NUP54: variants seen among roughly 807,000 people sequenced by gnomAD.
NUP54 encodes nucleoporin p54.
A neutral mutation model predicts 66.4 loss-of-function variants in NUP54; 27 were observed. The ratio of observed to expected loss-of-function variants is 0.41; its 90% CI spans 0.30 to 0.56. The LOEUF is 0.56. Among genes scored for constraint, NUP54 ranks in the 20% least tolerant of loss-of-function variants. The pLI is 0.34. For synonymous variants in NUP54, 206 were observed against 210.7 expected, an observed-to-expected ratio of 0.98 and a Z score of 0.19; for missense variants, 486 against 596.3, an observed-to-expected ratio of 0.82 and a Z score of 1.93.
intron 4 of NUP54, among the ~76,000 whole-genome samples, chr4:76,135,624 A>G (rs912383118): frequency 6.6e-6 from 1 of 152,214 alleles, no homozygotes; most frequent in Non-Finnish European, 1.5e-5. Context: ...ATAACTCCTA[A>G]GAGGCTGAGG....
intron 9 of NUP54, among the ~76,000 whole-genome samples, chr4:76,119,250 C>CA (rs1366142612): frequency 1.3e-5 from 2 of 152,084 alleles, no homozygotes; most frequent in Non-Finnish European, 2.9e-5. Context: ...ACCCCCAAGA[C>CA]AAATAGTGCT....
At chr4:76,118,278 G>A (rs1730047193) in intron 9 of NUP54, 84 bp from the exon 10 acceptor site, 1 of 1,241,778 alleles carries the variant, frequency 8.1e-7, no homozygotes, top group South Asian at 1.3e-5. Flanking sequence ...GTTACTGAAA[G>A]AAATCAGCTG....
intron 9 of NUP54, among the ~76,000 whole-genome samples, chr4:76,121,225 C>T (rs900110238): frequency 7.2e-5 from 11 of 152,074 alleles, no homozygotes; most frequent in African/African-American, 2.7e-4. Context: ...GAAATACCAC[C>T]TTTCTCATAT....
At chr4:76,127,641 G>A (rs1238428736) in intron 8 of NUP54, among the ~76,000 whole-genome samples, 1 of 151,480 alleles carries the variant, frequency 6.6e-6, no homozygotes, top group Non-Finnish European at 1.5e-5. Context: ...GAAAATACAA[G>A]GCAAACATTT....
rs964023571 is a variant in NUP54 at position 76,114,717 on chromosome 4, TAAA to T, written c.*646_*648del. 2.6e-5 allele frequency: 4 copies of T among 151,826 alleles called. No homozygotes were observed. Among genetic ancestry groups the T allele is most frequent in the South Asian group, 2.1e-4 (1 of 4,818 alleles). 9.4% of individuals were successfully genotyped at this position (151,826 alleles called of 1,614,324 possible). ...TTATAAGTTTTCATCTTTTTAGAAATAAAAAGGCTTAAAAAACAAAATGGTTGC... is the reference window on the plus strand; with the variant it reads ...TTATAAGTTTTCATCTTTTTAGAAATAAGGCTTAAAAAACAAAATGGTTGC... On this transcript the variant is annotated 3_prime_UTR_variant, in exon 12 of 12. Coordinates refer to ENST00000264883, the MANE Select transcript of NUP54 (RefSeq NM_017426.4).
At chr4:76,139,589 G>C (rs1357963957) in intron 3 of NUP54, among the ~76,000 whole-genome samples, 1 of 152,110 alleles carries the variant, frequency 6.6e-6, no homozygotes, top group Non-Finnish European at 1.5e-5. Flanking sequence ...GTCCTTGTTT[G>C]GATCATGATT....
chr4:76,145,650 A>G, intron 1 of NUP54: 1 of 1,011,900 alleles, frequency 9.9e-7, no homozygotes, highest in Non-Finnish European at 1.3e-6. Flanking sequence ...TTTGTAACTT[A>G]TTGTCAGTCT....
At chr4:76,128,361 C>T (rs1342777678) in intron 8 of NUP54, among the ~76,000 whole-genome samples, 1 of 141,882 alleles carries the variant, frequency 7.0e-6, no homozygotes, top group African/African-American at 2.7e-5. Flanking sequence ...AAGTACTGCT[C>T]TAAGACTTGA....
intron 3 of NUP54, among the ~76,000 whole-genome samples, chr4:76,139,124 T>G (rs961613352): frequency 2.6e-5 from 4 of 152,148 alleles, no homozygotes; most frequent in Non-Finnish European, 5.9e-5. Context: ...AAAAAGTTCC[T>G]TTTACAGAAG....
intron 11 of NUP54, 106 bp from the exon 12 acceptor site, chr4:76,115,600 A>T (rs1211299074): frequency 1.4e-6 from 1 of 733,492 alleles, no homozygotes; most frequent in African/African-American, 1.8e-5. Flanking sequence ...GCAACACAGT[A>T]CCTAGTAAGT....
chr4:76,146,938 C>T (rs1274495985), intron 1 of NUP54, among the ~76,000 whole-genome samples: 1 of 152,176 alleles, frequency 6.6e-6, no homozygotes, highest in Non-Finnish European at 1.5e-5. Context: ...TCTATAATTA[C>T]AAATCTTATA....
At chr4:76,142,516 C>G (rs1023033403) in intron 3 of NUP54, among the ~76,000 whole-genome samples, 6 of 152,176 alleles carry the variant, frequency 3.9e-5, no homozygotes, top group Admixed American at 6.5e-5. Flanking sequence ...ATTTGCATCC[C>G]TGTACTTCTT....
intron 8 of NUP54, among the ~76,000 whole-genome samples, chr4:76,125,623 AGGGAGAGG>A (rs1190589164): frequency 2.5e-4 from 14 of 56,048 alleles, no homozygotes; most frequent in Middle Eastern, 8.6e-3. Flanking sequence ...CAAGAGGGAG[AGGGAGAGG>A]GGGAGAGGGG....
At chr4:76,123,137 C>G (rs1056552254) in intron 9 of NUP54, among the ~76,000 whole-genome samples, 1 of 152,070 alleles carries the variant, frequency 6.6e-6, no homozygotes, top group African/African-American at 2.4e-5. Flanking sequence ...GTGGTAATAA[C>G]GGTTATACAA....
rs1431843635 is a variant in NUP54, at chr4:76,144,366, G to A, written c.151+24C>T. 4.4e-6 allele frequency: 7 copies of A among 1,597,318 alleles called. No homozygotes were observed. The African/African-American group carries it at 5.5e-5, about 12-fold the overall frequency. On this transcript the variant is annotated intron_variant, in intron 2 of 11. Coordinates refer to ENST00000264883, the MANE Select transcript of NUP54 (RefSeq NM_017426.4). ...TGACCTCTACTTCATTTACTTCTAT[G>A]AATGACTTAAGATGGCCTCTTACCA... is the stretch of plus-strand genomic sequence containing the variant.
intron 8 of NUP54, among the ~76,000 whole-genome samples, chr4:76,129,092 C>T (rs1457720586): frequency 6.6e-6 from 1 of 152,064 alleles, no homozygotes; most frequent in African/African-American, 2.4e-5. Context: ...CCCATGATAC[C>T]AACAAATGAT....
chr4:76,135,331 A>T (rs369034990), intron 4 of NUP54, among the ~76,000 whole-genome samples: 13 of 152,322 alleles, frequency 8.5e-5, no homozygotes, highest in African/African-American at 3.1e-4. Context: ...AAAAGAATTT[A>T]AATTAACTCA....
chr4:76,144,544 T>A, intron 1 of NUP54, 71 bp from the exon 2 acceptor site: 1 of 1,058,826 alleles, frequency 9.4e-7, no homozygotes, highest in Non-Finnish European at 1.3e-6. Flanking sequence ...TTTTTAAAAT[T>A]ATTTTATAAT....
At chr4:76,148,251 G>A in intron 1 of NUP54, 57 bp downstream of exon 1, 1 of 1,177,546 alleles carries the variant, frequency 8.5e-7, no homozygotes, top group Non-Finnish European at 1.1e-6. Context: ...TCGGACAGAG[G>A]GGGCGGACCA....
Sources: allele counts gnomAD v4.1 joint callset (sites outside exome capture counted in the v4.1 genomes callset), GRCh38; gene constraint gnomAD v4.1.1; transcripts MANE v1.5; gene names NCBI Gene and HGNC (gene_info 2026-07-23, HGNC 2026-07-21).